Variants in GRK5 observed in about 807,000 individuals in gnomAD.
GRK5 encodes g protein-coupled receptor kinase GRK5.
In GRK5, 40 loss-of-function variants were observed where a neutral mutation model predicts 78.4. The ratio of observed to expected loss-of-function variants is 0.51; its 90% CI spans 0.40 to 0.66. The LOEUF is 0.66. Among genes scored for constraint, GRK5 ranks in the 30% least tolerant of loss-of-function variants. GRK5 has a pLI of 0.00. For missense variants in GRK5, 598 were observed against 759.9 expected (o/e 0.79, Z 2.50); for synonymous variants, 289 against 296.8 (o/e 0.97, Z 0.27).
intron 4 of GRK5, among the ~76,000 whole-genome samples, chr10:119,418,889 C>T (rs1027507438): frequency 6.6e-6 from 1 of 152,140 alleles, no homozygotes; most frequent in Admixed American, 6.5e-5. Context: ...CAGGTATCTA[C>T]AGGCCTTGAG....
intron 2 of GRK5, among the ~76,000 whole-genome samples, chr10:119,352,079 T>C (rs1851194176): frequency 6.6e-6 from 1 of 152,172 alleles, no homozygotes; most frequent in African/African-American, 2.4e-5. Flanking sequence ...GGTGGTAAGG[T>C]AGAATGTCCC....
intron 5 of GRK5, among the ~76,000 whole-genome samples, chr10:119,424,262 G>A (rs141778581): frequency 4.3e-4 from 65 of 152,222 alleles, no homozygotes; most frequent in African/African-American, 1.2e-3. Context: ...AGACTCTGAC[G>A]TGCCCCACCT....
intron 9 of GRK5, 125 bp downstream of exon 9, chr10:119,436,966 T>G (rs1467215294): frequency 4.4e-6 from 4 of 903,666 alleles, no homozygotes; most frequent in Middle Eastern, 3.5e-4. Context: ...CAGGGGAGGA[T>G]GCAGAGTCAG....
At chr10:119,309,105 T>G (rs1850319525) in intron 1 of GRK5, among the ~76,000 whole-genome samples, 1 of 152,152 alleles carries the variant, frequency 6.6e-6, no homozygotes, top group African/African-American at 2.4e-5. Context: ...GCAGGGCTGG[T>G]GCGTGAGGGA....
chr10:119,228,185 A>G (rs10886427), intron 1 of GRK5, among the ~76,000 whole-genome samples: 73,326 of 151,840 alleles, frequency 0.48, 20,508 homozygotes, highest in East Asian at 0.71. Flanking sequence ...AACAAAAACA[A>G]AAAACTAAAA....
intron 1 of GRK5, among the ~76,000 whole-genome samples, chr10:119,275,363 G>GCTTGGATAC (rs1318024558): frequency 6.6e-6 from 1 of 152,162 alleles, no homozygotes; most frequent in African/African-American, 2.4e-5. Context: ...CCTCGGTCAG[G>GCTTGGATAC]CTTGGATACC....
chr10:119,255,928 G>T (rs1849276482), intron 1 of GRK5, among the ~76,000 whole-genome samples: 1 of 152,182 alleles, frequency 6.6e-6, no homozygotes, highest in Admixed American at 6.5e-5. Flanking sequence ...AAGGCTTCTT[G>T]GAGGAATGAC....
intron 2 of GRK5, among the ~76,000 whole-genome samples, chr10:119,346,829 C>A (rs1425845799): frequency 6.6e-6 from 1 of 152,188 alleles, no homozygotes; most frequent in Non-Finnish European, 1.5e-5. Context: ...GCTGGCCTTT[C>A]TTGTTAGTTT....
chr10:119,259,510 G>A (rs946153565), intron 1 of GRK5, among the ~76,000 whole-genome samples: 3 of 152,238 alleles, frequency 2.0e-5, no homozygotes, highest in Non-Finnish European at 2.9e-5. Flanking sequence ...TGGTTGGTGA[G>A]TTAGTCACTG....
intron 1 of GRK5, among the ~76,000 whole-genome samples, chr10:119,251,972 T>G (rs906184265): frequency 1.3e-5 from 2 of 152,214 alleles, no homozygotes; most frequent in East Asian, 3.8e-4. Flanking sequence ...AACTTGATTT[T>G]CTTCTTTTCA....
rs535378540 is a variant in GRK5, at chr10:119,436,142, A to G, written c.739-509A>G. On this transcript the variant is annotated intron_variant, in intron 8 of 15. Transcript: ENST00000392870. ...AGATGAGATTTGGGTGGGGACACAG[A>G]GCCAAACCATATCAACTAGGCACAT... 4.6e-5 allele frequency among the ~76,000 whole-genome samples: 7 copies of G among 152,366 alleles called. No homozygotes were observed. In the East Asian group the frequency reaches 1.2e-3, roughly 25 times the overall value.
At chr10:119,208,130 G>T (rs978256732) in intron 1 of GRK5, among the ~76,000 whole-genome samples, 161 bp downstream of exon 1, 1 of 152,256 alleles carries the variant, frequency 6.6e-6, no homozygotes, top group Non-Finnish European at 1.5e-5. Flanking sequence ...GACCCTTCAG[G>T]GTTCCTGCCT....
intron 1 of GRK5, among the ~76,000 whole-genome samples, chr10:119,288,587 C>T (rs1849898204): frequency 6.6e-6 from 1 of 152,196 alleles, no homozygotes; most frequent in African/African-American, 2.4e-5. Flanking sequence ...CTCTGCTGTA[C>T]CTCACTGTGT....
chr10:119,235,651 C>A (rs1353943479), intron 1 of GRK5, among the ~76,000 whole-genome samples: 2 of 152,134 alleles, frequency 1.3e-5, no homozygotes, highest in East Asian at 1.9e-4. Context: ...ACAGGGACAT[C>A]TGTTTGAGTA....
intron 1 of GRK5, among the ~76,000 whole-genome samples, chr10:119,257,924 T>G (rs1849315843): frequency 6.6e-6 from 1 of 152,148 alleles, no homozygotes; most frequent in Non-Finnish European, 1.5e-5. Context: ...TTGCCTTCAT[T>G]CTCTTTTATT....
intron 4 of GRK5, among the ~76,000 whole-genome samples, chr10:119,407,514 G>A (rs557201790): frequency 3.3e-5 from 5 of 152,316 alleles, no homozygotes; most frequent in South Asian, 2.1e-4. Flanking sequence ...GGCTGTTGCC[G>A]GAAGTTCTAC....
chr10:119,212,156 CT>C lies in GRK5; in HGVS notation c.52+4200del, dbSNP rs567817399. On this transcript the variant is annotated intron_variant, in intron 1 of 15. Transcript: ENST00000392870. ...AATGCCGTTAAATCAAACTGCCTTT[CT>C]TTTTTTTTTTTTAAAGTTTCCTTTT... is the stretch of plus-strand genomic sequence containing the variant. Among the ~76,000 whole-genome samples, 285 of 144,648 alleles carry C rather than the reference CT, an allele frequency of 2.0e-3. 4 individuals carry two copies. Among genetic ancestry groups the C allele is most frequent in the South Asian group, 0.013 (59 of 4,594 alleles). 94.9% of individuals were successfully genotyped at this position (144,648 alleles called of 152,430 possible).
chr10:119,426,336 G>A (rs747347752), intron 6 of GRK5, among the ~76,000 whole-genome samples: 51 of 147,178 alleles, frequency 3.5e-4, no homozygotes, highest in Admixed American at 8.6e-4. Context: ...CTTAGTGGCC[G>A]CTGTCCACCC....
At chr10:119,441,911 G>T (rs1853043791) in intron 10 of GRK5, 88 bp from the exon 11 acceptor site, 1 of 987,450 alleles carries the variant, frequency 1.0e-6, no homozygotes, top group Non-Finnish European at 1.6e-6. Context: ...AATGCCGAGA[G>T]CTCGTATGCC....
Sources: allele counts gnomAD v4.1 joint callset (sites outside exome capture counted in the v4.1 genomes callset), GRCh38; gene constraint gnomAD v4.1.1; transcripts MANE v1.5; gene names NCBI Gene and HGNC (gene_info 2026-07-23, HGNC 2026-07-21).